Variants in FRY observed in about 807,000 individuals in gnomAD.
FRY encodes the protein FRY microtubule binding protein, also known as protein furry homolog.
A neutral mutation model predicts 348.4 loss-of-function variants in FRY; 128 were observed. The observed-to-expected ratio is 0.37, with a 90% CI of 0.32 to 0.43. The LOEUF is 0.43. Among genes scored for constraint, FRY ranks in the 20% least tolerant of loss-of-function variants. The pLI is 1.00. For synonymous variants in FRY, 1,370 were observed against 1,374.7 expected, an observed-to-expected ratio of 1.00 and a Z score of 0.08; for missense variants, 2,736 against 3,695.2, an observed-to-expected ratio of 0.74 and a Z score of 6.73.
At chr13:32,229,859 T>G (rs1179790682) in intron 40 of FRY, among the ~76,000 whole-genome samples, 1 of 152,210 alleles carries the variant, frequency 6.6e-6, no homozygotes, top group African/African-American at 2.4e-5. Context: ...TTGATATCAT[T>G]TTACTTAACA....
intron 58 of FRY, among the ~76,000 whole-genome samples, chr13:32,285,798 T>C (rs1889015695): frequency 6.6e-6 from 1 of 152,234 alleles, no homozygotes; most frequent in Admixed American, 6.5e-5. Flanking sequence ...GTCTTCGCAC[T>C]GGAAATTCTG....
intron 26 of FRY, among the ~76,000 whole-genome samples, chr13:32,185,874 G>A (rs1253260452): frequency 1.3e-5 from 2 of 152,162 alleles, no homozygotes; most frequent in Non-Finnish European, 2.9e-5. Flanking sequence ...GTACCTATGT[G>A]AGTTTGAAAT....
chr13:32,066,020 A>G (rs1248445339), intron 1 of FRY, among the ~76,000 whole-genome samples: 2 of 152,192 alleles, frequency 1.3e-5, no homozygotes, highest in Non-Finnish European at 2.9e-5. Flanking sequence ...CCACAATACT[A>G]TTATCACATC....
At chr13:32,150,598 C>T (rs188604191) in intron 14 of FRY, among the ~76,000 whole-genome samples, 6 of 152,112 alleles carry the variant, frequency 3.9e-5, no homozygotes, top group South Asian at 4.2e-4. Context: ...TACCTCAACT[C>T]GCAGAAGAAT....
chr13:32,238,262 T>C (rs978162808), intron 44 of FRY, among the ~76,000 whole-genome samples: 1 of 151,994 alleles, frequency 6.6e-6, no homozygotes, highest in Non-Finnish European at 1.5e-5. Context: ...CTGCAGGTGC[T>C]GTTAGTTTAT....
chr13:32,194,328 C>G (rs1453973764), intron 29 of FRY, 31 bp downstream of exon 29: 2 of 1,601,688 alleles, frequency 1.2e-6, no homozygotes, highest in African/African-American at 1.3e-5. Flanking sequence ...TGATGAGTGG[C>G]AAGTATGTTT....
intron 49 of FRY, among the ~76,000 whole-genome samples, chr13:32,250,355 C>G (rs1285769341): frequency 6.6e-6 from 1 of 152,248 alleles, no homozygotes; most frequent in African/African-American, 2.4e-5. Flanking sequence ...TGGCTTCAAG[C>G]ACAGTTGGCT....
At chr13:32,218,103 A>G (rs925647773) in intron 35 of FRY, among the ~76,000 whole-genome samples, 1 of 152,196 alleles carries the variant, frequency 6.6e-6, no homozygotes, top group Non-Finnish European at 1.5e-5. Context: ...TTGACCACCT[A>G]CTGTGTGTCA....
chr13:32,235,150 C>G (rs1264594233), intron 42 of FRY, among the ~76,000 whole-genome samples: 1 of 152,174 alleles, frequency 6.6e-6, no homozygotes, highest in African/African-American at 2.4e-5. Flanking sequence ...TGTATCTGTC[C>G]AAAGCACTAC....
intron 3 of FRY, among the ~76,000 whole-genome samples, chr13:32,106,114 A>G (rs1180369328): frequency 2.7e-5 from 4 of 148,168 alleles, no homozygotes; most frequent in Admixed American, 1.4e-4. Context: ...TAATATATTA[A>G]TATTAAGTTA....
At chr13:32,043,711 C>G (rs1243107794) in intron 1 of FRY, among the ~76,000 whole-genome samples, 2 of 152,104 alleles carry the variant, frequency 1.3e-5, no homozygotes, top group South Asian at 2.1e-4. Context: ...CAAAAAGCAG[C>G]GGCAAAGTCT....
At position 32,184,872 on chromosome 13, in the gene FRY, A is replaced by C. The variant is rs1466021179; in HGVS notation, c.3147-104A>C. The C allele has an allele frequency of 3.5e-6, 4 of 1,135,074 alleles. No homozygotes were observed. In the African/African-American group the frequency reaches 6.1e-5, roughly 17 times the overall value. The allele number at this position is 1,135,074 out of a possible 1,614,324, so 70.3% of individuals were successfully genotyped here. On this transcript the variant is annotated intron_variant, in intron 25 of 60. Transcript: ENST00000542859. ...TTACACTGCATATAGGTTAGGAACA[A>C]CTTTAGTGTGTGAGTTGTGACAGTG... is the stretch of plus-strand genomic sequence containing the variant.
rs1197335942 is a variant in FRY, at chr13:32,195,688, A to G, written c.3746+1391A>G. Among the ~76,000 whole-genome samples the G allele has an allele frequency of 2.6e-5, 4 of 152,210 alleles. No homozygotes were observed. In the East Asian group the frequency reaches 5.8e-4, roughly 22 times the overall value. Reference sequence around the variant, plus strand: ...AAATAAGTGCTTAATAAATTTAACAACATAGTCTCAATTTCAATAATATCT... The same window carrying G: ...AAATAAGTGCTTAATAAATTTAACAGCATAGTCTCAATTTCAATAATATCT... On this transcript the variant is annotated intron_variant, in intron 29 of 60. Coordinates refer to ENST00000542859, the MANE Select transcript of FRY (RefSeq NM_023037.3).
chr13:32,096,195 T>G (rs893722976), intron 2 of FRY, among the ~76,000 whole-genome samples: 1 of 152,216 alleles, frequency 6.6e-6, no homozygotes, highest in Admixed American at 6.5e-5. Context: ...TGATAAAATC[T>G]ATGTTGATGC....
At chr13:32,232,247 T>C (rs75966087) in intron 41 of FRY, among the ~76,000 whole-genome samples, 1 of 152,336 alleles carries the variant, frequency 6.6e-6, no homozygotes, top group East Asian at 1.9e-4. Context: ...ATGAAAATAA[T>C]AAACATGAGA....
chr13:32,248,708 A>G (rs1886925903), intron 48 of FRY, among the ~76,000 whole-genome samples: 1 of 152,212 alleles, frequency 6.6e-6, no homozygotes, highest in South Asian at 2.1e-4. Context: ...TTTAATATGT[A>G]AATAATATTA....
chr13:32,130,817 A>AT lies in FRY; in HGVS notation c.717-840dup, dbSNP rs34805416. ...ATAATTTAAATTTTCCCATTACTAG[A>AT]TTTTTTTTTTTTTTTGAGACAGAGT... On this transcript the variant is annotated intron_variant, in intron 7 of 60. Coordinates refer to ENST00000542859, the MANE Select transcript of FRY (RefSeq NM_023037.3). Among the ~76,000 whole-genome samples the AT allele has an allele frequency of 6.3e-3, 908 of 143,634 alleles. 9 individuals carry two copies. The highest frequency in any genetic ancestry group is 0.017 in the African/African-American group (640 of 38,532). 94.2% of individuals were successfully genotyped at this position (143,634 alleles called of 152,430 possible). A position where few individuals can be genotyped will look rare whatever the true frequency, so the allele number is the denominator to read the frequency against.
chr13:32,056,146 G>A lies in FRY; in HGVS notation c.71-22688G>A, dbSNP rs181439140. Reference sequence around the variant, plus strand: ...GCGGAGGTTGCAGTGAGCTGAGGTCGCATCACTGCACTCCAGCCTGGTGAC... The same window carrying A: ...GCGGAGGTTGCAGTGAGCTGAGGTCACATCACTGCACTCCAGCCTGGTGAC... On this transcript the variant is annotated intron_variant, in intron 1 of 60. Transcript: ENST00000542859. Among the ~76,000 whole-genome samples the A allele has an allele frequency of 4.0e-3, 580 of 146,268 alleles. 4 individuals are homozygous for A. Among genetic ancestry groups the A allele is most frequent in the Non-Finnish European group, 4.3e-3 (293 of 67,408 alleles).
At chr13:32,063,592 G>C (rs1294180313) in intron 1 of FRY, among the ~76,000 whole-genome samples, 1 of 152,248 alleles carries the variant, frequency 6.6e-6, no homozygotes, top group African/African-American at 2.4e-5. Flanking sequence ...CCACCAATCT[G>C]CTATTTTTCT....
Sources: allele counts gnomAD v4.1 joint callset (sites outside exome capture counted in the v4.1 genomes callset), GRCh38; gene constraint gnomAD v4.1.1; transcripts MANE v1.5; gene names NCBI Gene and HGNC (gene_info 2026-07-23, HGNC 2026-07-21).